The following RALA variants were observed in gnomAD, a reference collection of about 807,000 sequenced individuals.
RALA encodes the protein RAS like proto-oncogene A.
RALA carries 5 observed loss-of-function variants against 24.0 expected under a neutral mutation model. The observed-to-expected ratio is 0.21, with a 90% confidence interval of 0.11 to 0.44. The LOEUF (loss-of-function observed/expected upper bound fraction) is 0.44. Ranked by LOEUF, RALA falls within the 20% of genes least tolerant of loss-of-function variation. RALA has a pLI of 0.99. For missense variants in RALA, 95 were observed against 241.2 expected, an observed-to-expected ratio of 0.39 and a Z score of 4.01; for synonymous variants, 77 against 83.8, an observed-to-expected ratio of 0.92 and a Z score of 0.44.
intron 1 of RALA, among the ~76,000 whole-genome samples, chr7:39,637,688 T>G (rs1340867264): frequency 6.6e-6 from 1 of 152,240 alleles, no homozygotes; most frequent in Admixed American, 6.5e-5. Context: ...TTACATTTGG[T>G]TAGGTTTCAA....
At chr7:39,699,143 TTTTTTTTTG>T (rs1792975353) in intron 4 of RALA, among the ~76,000 whole-genome samples, 3 of 126,140 alleles carry the variant, frequency 2.4e-5, no homozygotes, top group Admixed American at 7.7e-5. Context: ...TTTTTTTTTT[TTTTTTTTTG>T]AGACGGAGTC....
In RALA at chr7:39,687,665, A is replaced by G. The variant is rs554292893; in HGVS notation, c.114+884A>G. 6.3e-4 allele frequency among the ~76,000 whole-genome samples: 96 copies of G among 152,312 alleles called. 1 individual carries two copies. The highest frequency in any genetic ancestry group is 1.5e-3 in the South Asian group (7 of 4,826). The stretch of plus-strand genomic sequence containing the variant: ...AATGTTATCAAGTCTTAATGATTTA[A>G]GAGTTGGTAATCCAATGTAAGCATT... On this transcript the variant is annotated intron_variant, in intron 2 of 4. Transcript: ENST00000005257.
chr7:39,671,301 C>G (rs1319158026), intron 1 of RALA, among the ~76,000 whole-genome samples: 1 of 152,124 alleles, frequency 6.6e-6, no homozygotes, highest in Non-Finnish European at 1.5e-5. Context: ...TACTGTCACC[C>G]CAAGGTTCAC....
At chr7:39,656,604 C>G (rs1260000378) in intron 1 of RALA, among the ~76,000 whole-genome samples, 2 of 152,148 alleles carry the variant, frequency 1.3e-5, no homozygotes, top group Non-Finnish European at 2.9e-5. Flanking sequence ...GCAACAAGAC[C>G]GTGTTTTTGA....
intron 1 of RALA, among the ~76,000 whole-genome samples, chr7:39,658,866 C>T (rs1196048722): frequency 2.6e-5 from 4 of 151,716 alleles, no homozygotes; most frequent in East Asian, 3.9e-4. Flanking sequence ...TACAGGCGTG[C>T]GCCACCGAGC....
At chr7:39,643,114 C>T (rs1391678952) in intron 1 of RALA, among the ~76,000 whole-genome samples, 1 of 152,166 alleles carries the variant, frequency 6.6e-6, no homozygotes, top group Non-Finnish European at 1.5e-5. Flanking sequence ...TCTAATCATC[C>T]AGTAAAACCC....
At chr7:39,633,540 A>G (rs1254655520) in intron 1 of RALA, among the ~76,000 whole-genome samples, 1 of 152,222 alleles carries the variant, frequency 6.6e-6, no homozygotes, top group Non-Finnish European at 1.5e-5. Context: ...TCCATGATCC[A>G]GTCACCTCCC....
intron 1 of RALA, among the ~76,000 whole-genome samples, chr7:39,684,087 T>G (rs932997203): frequency 3.3e-5 from 5 of 152,210 alleles, no homozygotes; most frequent in African/African-American, 1.2e-4. Context: ...AGACTTTTAG[T>G]TACCTGCAGT....
rs191042830 is a variant in RALA at position 39,693,151 on chromosome 7, A to C, written c.323+2561A>C. 7.9e-5 allele frequency among the ~76,000 whole-genome samples: 12 copies of C among 152,344 alleles called. No individual in the cohort carries two copies. The East Asian group carries it at 2.1e-3, about 27-fold the overall frequency. ...TACTGCGGCACTACTCACAATAGTA[A>C]AGACTTGGAATCAACTCAAATGTCC... On this transcript the variant is annotated intron_variant, in intron 3 of 4. Transcript: ENST00000005257.
At chr7:39,647,693 T>C (rs547075197) in intron 1 of RALA, among the ~76,000 whole-genome samples, 2 of 152,242 alleles carry the variant, frequency 1.3e-5, no homozygotes, top group South Asian at 2.1e-4. Flanking sequence ...ATGAATGGAA[T>C]TGGTGTCCTT....
intron 1 of RALA, among the ~76,000 whole-genome samples, chr7:39,684,955 C>G (rs1390770830): frequency 6.6e-6 from 1 of 152,084 alleles, no homozygotes; most frequent in Admixed American, 6.5e-5. Context: ...AGACTATTAA[C>G]CCAAGTGAAC....
chr7:39,673,625 T>C (rs1008052361), intron 1 of RALA, among the ~76,000 whole-genome samples: 8 of 152,176 alleles, frequency 5.3e-5, no homozygotes, highest in African/African-American at 1.4e-4. Context: ...AAATCTCTTA[T>C]TTGTAGTAAT....
rs1405215024 is a variant in RALA at position 39,707,153 on chromosome 7, T to C, written c.*908T>C. 2 of 152,560 alleles carry C rather than the reference T, an allele frequency of 1.3e-5. No homozygotes were observed. Among genetic ancestry groups the C allele is most frequent in the Non-Finnish European group, 2.9e-5 (2 of 68,044 alleles). The allele number at this position is 152,560 out of a possible 1,614,324, so 9.5% of individuals were successfully genotyped here. ...TCAGCTGCAAGGATTCAGCACCAGT[T>C]ATGTTTGAATGAACCCTCCTTTTCT... On this transcript the variant is annotated 3_prime_UTR_variant, in exon 5 of 5. Coordinates refer to ENST00000005257, the MANE Select transcript of RALA (RefSeq NM_005402.4).
At chr7:39,679,997 C>A (rs1792560572) in intron 1 of RALA, among the ~76,000 whole-genome samples, 1 of 152,070 alleles carries the variant, frequency 6.6e-6, no homozygotes, top group Admixed American at 6.6e-5. Context: ...CCGCGCCTGG[C>A]CAGAAATTTT....
chr7:39,678,421 G>A (rs755953993), intron 1 of RALA, among the ~76,000 whole-genome samples: 2 of 152,084 alleles, frequency 1.3e-5, no homozygotes, highest in African/African-American at 4.8e-5. Context: ...TATTTTTGGA[G>A]AGAAGGAAAA....
chr7:39,706,210 G>A lies in RALA; in HGVS notation c.586G>A (p.Ala196Thr), dbSNP rs1793117969. ...KNGKKKRKSL[A>T]KRIRERCCIL ...TGGAAAAAAGAAGAGGAAAAGTTTA[G>A]CCAAGAGAATCAGAGAAAGATGCTG... is the stretch of plus-strand genomic sequence containing the variant. The change falls in exon 5 of 5, where the codon GCC (alanine) becomes ACC (threonine). Residue 196 changes from alanine to threonine, a missense_variant. Ala to Thr is a moderately conservative substitution (Grantham distance 58). Transcript: ENST00000005257. 2 of 1,609,640 alleles carry A rather than the reference G, an allele frequency of 1.2e-6. No homozygotes were observed. Among genetic ancestry groups the A allele is most frequent in the Non-Finnish European group, 1.7e-6 (2 of 1,179,120 alleles).
chr7:39,673,373 A>C (rs1399569734), intron 1 of RALA, among the ~76,000 whole-genome samples: 2 of 152,132 alleles, frequency 1.3e-5, no homozygotes, highest in Non-Finnish European at 2.9e-5. Context: ...CCTTTACCAA[A>C]ATACACTCTT....
chr7:39,648,080 TAAC>T (rs1263284553), intron 1 of RALA, among the ~76,000 whole-genome samples: 1 of 152,242 alleles, frequency 6.6e-6, no homozygotes, highest in African/African-American at 2.4e-5. Context: ...ACTTCCCTAT[TAAC>T]ACACCTTTAT....
chr7:39,642,827 C>G (rs964054340), intron 1 of RALA, among the ~76,000 whole-genome samples: 2 of 152,138 alleles, frequency 1.3e-5, no homozygotes, highest in African/African-American at 2.4e-5. Flanking sequence ...TTACATATAC[C>G]TTTAATCAAA....
Sources: allele counts gnomAD v4.1 joint callset (sites outside exome capture counted in the v4.1 genomes callset), GRCh38; gene constraint gnomAD v4.1.1; transcripts MANE v1.5; gene names NCBI Gene and HGNC (gene_info 2026-07-23, HGNC 2026-07-21).